Variants in TMSB15B observed in about 807,000 individuals in gnomAD.
The protein encoded by TMSB15B is thymosin beta-15B.
At chrX:103,938,381 C>T (rs1483143067) in intron 1 of TMSB15B, among the ~76,000 whole-genome samples, 3 of 112,088 alleles carry the variant, frequency 2.7e-5, no homozygotes, top group Admixed American at 9.4e-5. Context: ...GTTAGCCCTT[C>T]TTGTTGCATT....
chrX:103,923,396 G>A (rs782420766), intron 1 of TMSB15B, among the ~76,000 whole-genome samples: 8 of 112,129 alleles, frequency 7.1e-5, no homozygotes, highest in African/African-American at 2.6e-4. Flanking sequence ...GTAAGGAAGG[G>A]ATCCAGTTTC....
At chrX:103,942,746 T>A (rs1470447969) in intron 1 of TMSB15B, among the ~76,000 whole-genome samples, 1 of 112,144 alleles carries the variant, frequency 8.9e-6, no homozygotes, top group African/African-American at 3.2e-5. Flanking sequence ...CCAAGTTTCA[T>A]AATATTCTTC....
chrX:103,938,888 GA>G (rs1204586564), intron 1 of TMSB15B, among the ~76,000 whole-genome samples: 1 of 112,055 alleles, frequency 8.9e-6, no homozygotes, highest in African/African-American at 3.2e-5. Flanking sequence ...GTCTATAAAG[GA>G]TTTTATTTCT....
chrX:103,952,618 G>A (rs184992386), intron 1 of TMSB15B, among the ~76,000 whole-genome samples: 2 of 111,751 alleles, frequency 1.8e-5, no homozygotes, highest in Non-Finnish European at 3.8e-5. Flanking sequence ...AAGAGGGGAC[G>A]TGGACACAAC....
chrX:103,928,306 C>T, intron 1 of TMSB15B: 1 of 1,203,626 alleles, frequency 8.3e-7, no homozygotes, highest in East Asian at 3.0e-5. Context: ...GACACTTTGG[C>T]ACGAAGGTCC....
intron 1 of TMSB15B, chrX:103,928,064 A>G: frequency 2.2e-6 from 2 of 899,129 alleles, no homozygotes; most frequent in Non-Finnish European, 3.1e-6. Flanking sequence ...CACCCTTGCC[A>G]GTTTCTTCCA....
chrX:103,935,868 TGGAG>T (rs2074996416), intron 1 of TMSB15B, among the ~76,000 whole-genome samples: 2 of 89,120 alleles, frequency 2.2e-5, no homozygotes, highest in Non-Finnish European at 4.3e-5. Context: ...TTTTTTGAGA[TGGAG>T]TTTCACTCTT....
chrX:103,933,790 T>C lies in TMSB15B; in HGVS notation c.-721+14498T>C, dbSNP rs782154297. Among the ~76,000 whole-genome samples, 3 of 110,800 alleles carry C rather than the reference T, an allele frequency of 2.7e-5. No individual in the cohort carries two copies. In the South Asian group the frequency reaches 1.1e-3, roughly 42 times the overall value. ...AATTTATTCATGATAAGTTTGAGGG[T>C]CATTCTGGTTGTTTGCAGGGTTTTC... On this transcript the variant is annotated intron_variant, in intron 1 of 3. Coordinates refer to the TMSB15B transcript ENST00000419165.
chrX:103,941,737 C>T (rs1168411969), intron 1 of TMSB15B, among the ~76,000 whole-genome samples: 2 of 112,100 alleles, frequency 1.8e-5, no homozygotes, highest in Admixed American at 1.9e-4. Flanking sequence ...TACCAGTTCA[C>T]ACCCTTACTA....
intron 1 of TMSB15B, chrX:103,928,730 T>C (rs2074976392): frequency 8.6e-7 from 1 of 1,167,255 alleles, no homozygotes; most frequent in Non-Finnish European, 1.2e-6. Context: ...GCCCATTGGG[T>C]TCCTGCCTTG....
intron 1 of TMSB15B, among the ~76,000 whole-genome samples, chrX:103,947,877 A>C (rs1383802460): frequency 8.9e-6 from 1 of 111,996 alleles, no homozygotes; most frequent in African/African-American, 3.3e-5. Flanking sequence ...ATCCTCGTTC[A>C]TGTCCTTTGC....
intron 1 of TMSB15B, among the ~76,000 whole-genome samples, chrX:103,946,856 T>G (rs2075027005): frequency 9.0e-6 from 1 of 111,224 alleles, no homozygotes; most frequent in Non-Finnish European, 1.9e-5. Context: ...AACACAAGTT[T>G]TAAAGGAAAA....
intron 1 of TMSB15B, among the ~76,000 whole-genome samples, chrX:103,953,302 G>A (rs1399975198): frequency 8.9e-6 from 1 of 111,937 alleles, no homozygotes; most frequent in Non-Finnish European, 1.9e-5. Context: ...GACATGCATG[G>A]AGAACCAGGA....
intron 1 of TMSB15B, chrX:103,928,345 C>T (rs1391422128): frequency 1.7e-6 from 2 of 1,207,538 alleles, no homozygotes; most frequent in African/African-American, 3.5e-5. Flanking sequence ...AATCTACCCT[C>T]CTCTTCTCTC....
intron 1 of TMSB15B, among the ~76,000 whole-genome samples, chrX:103,926,960 CCT>C (rs1556318935): frequency 9.0e-6 from 1 of 110,664 alleles, no homozygotes; most frequent in Non-Finnish European, 1.9e-5. Context: ...TGCTGCACCC[CCT>C]GTCTCGTCAT....
At chrX:103,929,593 T>A (rs1212627739) in intron 1 of TMSB15B, among the ~76,000 whole-genome samples, 1 of 111,903 alleles carries the variant, frequency 8.9e-6, no homozygotes, top group Non-Finnish European at 1.9e-5. Context: ...CATGAACTCG[T>A]CAGGTGCCAC....
At chrX:103,928,775 T>A in intron 1 of TMSB15B, 1 of 1,181,328 alleles carries the variant, frequency 8.5e-7, no homozygotes, top group Non-Finnish European at 1.2e-6. Context: ...ATCACCTGCC[T>A]AGTTCTGTAT....
At chrX:103,938,575 T>A (rs1352381301) in intron 1 of TMSB15B, among the ~76,000 whole-genome samples, 1 of 112,171 alleles carries the variant, frequency 8.9e-6, no homozygotes, top group Non-Finnish European at 1.9e-5. Context: ...GTCTCCTGAA[T>A]ACAGCGCACT....
chrX:103,943,770 C>T (rs2075018315), intron 1 of TMSB15B, among the ~76,000 whole-genome samples: 1 of 111,521 alleles, frequency 9.0e-6, no homozygotes, highest in Non-Finnish European at 1.9e-5. Flanking sequence ...TTCTTTTCTC[C>T]TCTTCCTGGA....
Sources: allele counts gnomAD v4.1 joint callset (sites outside exome capture counted in the v4.1 genomes callset), GRCh38; gene constraint gnomAD v4.1.1; transcripts MANE v1.5; gene names NCBI Gene and HGNC (gene_info 2026-07-23, HGNC 2026-07-21).